Variants in ABI1 observed in about 807,000 individuals in gnomAD.
The protein encoded by ABI1 is Abelson interactor 1.
ABI1 carries 14 observed loss-of-function variants against 54.6 expected under a neutral mutation model. The ratio of observed to expected loss-of-function variants is 0.26; its 90% CI spans 0.17 to 0.40. The LOEUF is 0.40. Among genes scored for constraint, ABI1 ranks in the 10% least tolerant of loss-of-function variants. The pLI, the probability that ABI1 is intolerant of heterozygous loss-of-function variation, is 1.00. For missense variants in ABI1, 443 were observed against 598.3 expected, an observed-to-expected ratio of 0.74 and a Z score of 2.71; for synonymous variants, 194 against 209.3, an observed-to-expected ratio of 0.93 and a Z score of 0.63.
chr10:26,764,432 A>G (rs1055919001), intron 7 of ABI1, among the ~76,000 whole-genome samples: 11 of 152,214 alleles, frequency 7.2e-5, no homozygotes, highest in African/African-American at 2.7e-4. Flanking sequence ...TAAATGTAGT[A>G]AAGTCACAAA....
intron 7 of ABI1, among the ~76,000 whole-genome samples, chr10:26,761,650 A>ATG (rs1839212157): frequency 8.0e-6 from 1 of 124,472 alleles, no homozygotes; most frequent in Non-Finnish European, 1.7e-5. Context: ...ATATATATAT[A>ATG]TATATATATA....
intron 1 of ABI1, among the ~76,000 whole-genome samples, chr10:26,847,884 T>G (rs1344807902): frequency 5.9e-5 from 9 of 151,950 alleles, no homozygotes; most frequent in Admixed American, 1.3e-4. Context: ...TTTAAGATGT[T>G]GGGCCAGACC....
chr10:26,759,105 A>G lies in ABI1; in HGVS notation c.954T>C (p.Ala318=). The G allele has an allele frequency of 6.2e-7, 1 of 1,614,088 alleles. No individual in the cohort carries two copies. The highest frequency in any genetic ancestry group is 8.5e-7 in the Non-Finnish European group (1 of 1,179,978). The change falls in exon 8 of 11, where the codon GCT becomes GCC. Residue 318 remains alanine (A), a synonymous_variant. Coordinates refer to ENST00000376140, the MANE Select transcript of ABI1 (RefSeq NM_001012750.3). ...GTGGACCTCCATTAACATGAGGCTG[A>G]GCAGAAAATTGAGCAGTCACAGAGG... ...RTPSVTAQFS[A]QPHVNGGPLY... is the part of the protein sequence containing the mutation.
chr10:26,788,610 A>G (rs541792793), intron 2 of ABI1, among the ~76,000 whole-genome samples: 2 of 152,322 alleles, frequency 1.3e-5, no homozygotes, highest in Admixed American at 6.5e-5. Context: ...TCTAATAAAC[A>G]TTAAGATACC....
At chr10:26,757,236 G>A (rs1000001829) in intron 8 of ABI1, among the ~76,000 whole-genome samples, 4 of 152,018 alleles carry the variant, frequency 2.6e-5, no homozygotes, top group African/African-American at 9.7e-5. Flanking sequence ...AACACCAACA[G>A]TAACTCAGAT....
At chr10:26,809,263 T>G (rs1037446989) in intron 2 of ABI1, among the ~76,000 whole-genome samples, 18 of 147,616 alleles carry the variant, frequency 1.2e-4, no homozygotes, top group African/African-American at 4.3e-4. Flanking sequence ...GAGTGAGACT[T>G]ATCTCAAAAA....
At chr10:26,843,022 C>T (rs1007646286) in intron 1 of ABI1, among the ~76,000 whole-genome samples, 5 of 151,294 alleles carry the variant, frequency 3.3e-5, no homozygotes, top group African/African-American at 9.7e-5. Flanking sequence ...CCAGCCTGGG[C>T]GACAGAGCAA....
intron 2 of ABI1, among the ~76,000 whole-genome samples, chr10:26,810,388 C>T (rs1051649338): frequency 2.6e-5 from 4 of 152,146 alleles, no homozygotes; most frequent in East Asian, 3.8e-4. Flanking sequence ...TCAGCAAATC[C>T]ACCTCCAGAA....
At chr10:26,796,281 TCA>T (rs1464216483) in intron 2 of ABI1, among the ~76,000 whole-genome samples, 1 of 152,188 alleles carries the variant, frequency 6.6e-6, no homozygotes, top group African/African-American at 2.4e-5. Flanking sequence ...CAGTCATGTG[TCA>T]CATAACATTT....
At chr10:26,856,432 TCAAA>T (rs2050818939) in intron 1 of ABI1, among the ~76,000 whole-genome samples, 1 of 28,146 alleles carries the variant, frequency 3.6e-5, no homozygotes, top group African/African-American at 1.9e-4. Context: ...CATCTGTTAC[TCAAA>T]AAAAAAAAAA....
intron 1 of ABI1, among the ~76,000 whole-genome samples, chr10:26,829,934 CCAT>C (rs1264383862): frequency 1.3e-5 from 2 of 152,102 alleles, no homozygotes; most frequent in African/African-American, 4.8e-5. Flanking sequence ...AGTATAACCA[CCAT>C]GATAAAGAAC....
chr10:26,854,023 G>C (rs1048568991), intron 1 of ABI1, among the ~76,000 whole-genome samples: 12 of 152,178 alleles, frequency 7.9e-5, no homozygotes, highest in East Asian at 3.9e-4. Flanking sequence ...TATAAATAAG[G>C]TTACTGTAAA....
intron 10 of ABI1, among the ~76,000 whole-genome samples, chr10:26,749,271 T>A (rs1019794777): frequency 4.5e-4 from 68 of 152,220 alleles, no homozygotes; most frequent in Admixed American, 1.4e-3. Context: ...GGATTTTAAT[T>A]AATACTTAGA....
At chr10:26,752,285 A>G (rs564507575) in intron 9 of ABI1, among the ~76,000 whole-genome samples, 3 of 152,190 alleles carry the variant, frequency 2.0e-5, no homozygotes, top group African/African-American at 7.2e-5. Flanking sequence ...TTTGTTGATT[A>G]TTGTTTGTTT....
At chr10:26,792,992 T>C (rs1421351192) in intron 2 of ABI1, among the ~76,000 whole-genome samples, 1 of 152,164 alleles carries the variant, frequency 6.6e-6, no homozygotes, top group Non-Finnish European at 1.5e-5. Context: ...GCAACACTAC[T>C]TAACGTTCCA....
intron 10 of ABI1, among the ~76,000 whole-genome samples, chr10:26,749,082 T>G (rs1837293344): frequency 6.6e-6 from 1 of 152,166 alleles, no homozygotes; most frequent in African/African-American, 2.4e-5. Context: ...CTTTTCAAAA[T>G]AATTATCAGG....
At chr10:26,844,019 ATT>A (rs915542460) in intron 1 of ABI1, among the ~76,000 whole-genome samples, 14 of 152,200 alleles carry the variant, frequency 9.2e-5, no homozygotes, top group Non-Finnish European at 5.9e-5. Context: ...CCAGTGTTAA[ATT>A]TAAAACACGG....
intron 2 of ABI1, chr10:26,789,269 G>A (rs1375252398): frequency 6.6e-6 from 1 of 152,158 alleles, no homozygotes; most frequent in Non-Finnish European, 1.5e-5. Flanking sequence ...TGAAGACCAT[G>A]CTTGATGCAT....
intron 1 of ABI1, among the ~76,000 whole-genome samples, chr10:26,850,951 G>A (rs1225405106): frequency 6.6e-6 from 1 of 152,144 alleles, no homozygotes; most frequent in East Asian, 1.9e-4. Flanking sequence ...AATAGTAACA[G>A]AGAATAATGG....
Sources: allele counts gnomAD v4.1 joint callset (sites outside exome capture counted in the v4.1 genomes callset), GRCh38; gene constraint gnomAD v4.1.1; transcripts MANE v1.5; gene names NCBI Gene and HGNC (gene_info 2026-07-23, HGNC 2026-07-21).